The following DDX11 variants were observed in gnomAD, a reference collection of about 807,000 sequenced individuals.
The protein encoded by DDX11 is DEAD/H-box helicase 11.
A neutral mutation model predicts 125.2 loss-of-function variants in DDX11; 72 were observed. The ratio of observed to expected loss-of-function variants is 0.58; its 90% CI spans 0.48 to 0.70. DDX11 has a LOEUF of 0.70. DDX11 is among the 30% of genes least tolerant of loss of function. The pLI is 0.00. For synonymous variants in DDX11, 347 were observed against 452.6 expected (o/e 0.77, Z 2.96); for missense variants, 883 against 1,165.0 (o/e 0.76, Z 3.52).
intron 2 of DDX11, among the ~76,000 whole-genome samples, chr12:31,079,402 T>G (rs1372517115): frequency 1.4e-5 from 2 of 142,002 alleles, no homozygotes; most frequent in East Asian, 4.1e-4. Flanking sequence ...CTCACCATTC[T>G]GGAGGCTGGA....
rs573019008 is a variant in DDX11 at position 31,087,926 on chromosome 12, T to G, written c.639-12T>G. On this transcript the variant is annotated splice_polypyrimidine_tract_variant and intron_variant, in intron 5 of 26. Transcript: ENST00000542838. ...AGGGAAGACTGTTTTCTGTTCTCTC[T>G]CACACACACAGAGTGGATGAGGATG... is the stretch of plus-strand genomic sequence containing the variant. The G allele has an allele frequency of 5.5e-5, 88 of 1,608,596 alleles. No individual in the cohort carries two copies. In the African/African-American group the frequency reaches 1.0e-3, roughly 19 times the overall value.
chr12:31,088,506 T>G (rs1239972827), intron 6 of DDX11, among the ~76,000 whole-genome samples: 1 of 152,206 alleles, frequency 6.6e-6, no homozygotes, highest in African/African-American at 2.4e-5. Flanking sequence ...GGCTATGGGT[T>G]GTGTATGGTC....
intron 18 of DDX11, 164 bp from the exon 19 acceptor site, chr12:31,100,471 T>C: frequency 1.7e-6 from 1 of 603,280 alleles, no homozygotes; most frequent in South Asian, 2.1e-5. Context: ...CAGCACTGGG[T>C]ATCAGTCACC....
intron 7 of DDX11, 64 bp downstream of exon 7, chr12:31,089,215 C>T: frequency 6.7e-7 from 1 of 1,489,884 alleles, no homozygotes; most frequent in Non-Finnish European, 9.4e-7. Flanking sequence ...CTTTGTCCTG[C>T]TCGTCCAGGC....
chr12:31,086,996 G>A (rs1164317167), intron 5 of DDX11, among the ~76,000 whole-genome samples: 1 of 137,072 alleles, frequency 7.3e-6, no homozygotes. Flanking sequence ...GGAATTTCGA[G>A]GTGAACAAAA....
rs1445736396 is a variant in DDX11 at position 31,085,129 on chromosome 12, G to A, written c.638+3G>A. ...GAGGAGAAAAAGGTGGCGAGCAGGT[G>A]AGACAGAGGCGGTAGCACTACCCTG... On this transcript the variant is annotated splice_donor_region_variant and intron_variant, in intron 5 of 26. Coordinates refer to ENST00000542838, the MANE Select transcript of DDX11 (RefSeq NM_030653.4). The A allele has an allele frequency of 1.9e-6, 3 of 1,557,942 alleles. No homozygotes were observed. Among genetic ancestry groups the A allele is most frequent in the Non-Finnish European group, 2.6e-6 (3 of 1,151,062 alleles).
Position 31,103,206 on chromosome 12 carries a change from T to C in DDX11, c.2458-111T>C, listed in dbSNP as rs538984032. On this transcript the variant is annotated intron_variant, in intron 24 of 26. Coordinates refer to ENST00000542838, the MANE Select transcript of DDX11 (RefSeq NM_030653.4). ...GTGATGTCACCTGGACCCCTGCTGC[T>C]GGCATTGGCCACGAAGCCTCCTGGT... 26 of 1,502,252 alleles carry C rather than the reference T, an allele frequency of 1.7e-5. No individual in the cohort carries two copies. The South Asian group carries it at 2.9e-4, about 17-fold the overall frequency. 93.1% of individuals were successfully genotyped at this position (1,502,252 alleles called of 1,614,324 possible).
At chr12:31,096,030 T>TA (rs1488151560) in intron 14 of DDX11, among the ~76,000 whole-genome samples, 1 of 142,246 alleles carries the variant, frequency 7.0e-6, no homozygotes, top group African/African-American at 2.7e-5. Flanking sequence ...TTTTTTTTTT[T>TA]AACTCTTTGT....
chr12:31,077,662 A>G (rs1481613707), intron 1 of DDX11, among the ~76,000 whole-genome samples: 3 of 152,026 alleles, frequency 2.0e-5, no homozygotes, highest in East Asian at 1.9e-4. Context: ...CCTGGCTAAC[A>G]CGGTGAAACC....
At chr12:31,081,102 A>G (rs530567661) in intron 2 of DDX11, among the ~76,000 whole-genome samples, 2 of 152,148 alleles carry the variant, frequency 1.3e-5, no homozygotes, top group African/African-American at 4.8e-5. Flanking sequence ...TTTCCATCTC[A>G]GTCTTCTGCA....
intron 3 of DDX11, 96 bp downstream of exon 3, chr12:31,084,157 C>A: frequency 6.5e-7 from 1 of 1,533,378 alleles, no homozygotes; most frequent in Admixed American, 1.7e-5. Context: ...GTGCATGCTC[C>A]CCTGCCGTTG....
At chr12:31,085,262 G>A in intron 5 of DDX11, 136 bp downstream of exon 5, 1 of 1,274,838 alleles carries the variant, frequency 7.8e-7, no homozygotes, top group Non-Finnish European at 1.1e-6. Context: ...TCTAAGCCGG[G>A]TCCTTCCTAG....
chr12:31,102,722 C>T (rs2287464), intron 23 of DDX11, 195 bp downstream of exon 23: 138,573 of 703,896 alleles, frequency 0.2, 15,304 homozygotes, highest in East Asian at 0.39. Context: ...TTTAGGCTAC[C>T]CATTGCTGTA....
chr12:31,103,771 C>T (rs780805150), intron 26 of DDX11, 36 bp from the exon 27 acceptor site: 3 of 1,613,682 alleles, frequency 1.9e-6, no homozygotes, highest in Non-Finnish European at 1.7e-6. Context: ...CTCCCCACCC[C>T]GAGATCACAT....
Position 31,103,425 on chromosome 12 carries a change from C to T in DDX11, c.2536+30C>T, listed in dbSNP as rs1457324543. The T allele has an allele frequency of 2.5e-6, 4 of 1,602,686 alleles. No individual in the cohort carries two copies. The African/African-American group carries it at 4.0e-5, about 16-fold the overall frequency. Reference sequence around the variant, plus strand: ...GCCTGGCTGCCTCCAGCTGGGTGGACAGATGGGGGCTGGAGAAAGGGAGAA... The same window carrying T: ...GCCTGGCTGCCTCCAGCTGGGTGGATAGATGGGGGCTGGAGAAAGGGAGAA... On this transcript the variant is annotated intron_variant, in intron 25 of 26. Transcript: ENST00000542838.
chr12:31,096,745 G>C lies in DDX11; in HGVS notation c.1630G>C (p.Ala544Pro), dbSNP rs775843579. The C allele has an allele frequency of 9.3e-6, 15 of 1,614,208 alleles. No homozygotes were observed. The highest frequency in any genetic ancestry group is 2.2e-5 in the South Asian group (2 of 91,084). The part of the protein sequence containing the change: ...LQSLQPRTTE[A>P]LAAPADESQA... Reference sequence around the variant, plus strand: ...GAGCCTGCAGCCCAGGACGACTGAAGGTGAGGCAGGAGGGTGGGCAGGCAG... The same window carrying C: ...GAGCCTGCAGCCCAGGACGACTGAACGTGAGGCAGGAGGGTGGGCAGGCAG... Residue 544 changes from alanine to proline, a missense_variant and splice_region_variant, in exon 16 of 27, where the codon GCT becomes CCT. Around this residue, in one of 5 missense-constraint regions of DDX11, gnomAD observed 241 missense variants for 279.7 expected, o/e 0.86. Transcript: ENST00000542838.
At position 31,090,074 on chromosome 12, in the gene DDX11, C is replaced by T. The variant is rs759982821; in HGVS notation, c.1069C>T (p.Leu357Phe). The stretch of plus-strand genomic sequence containing the variant: ...GGCCTGTCCCTATTACGGGAGCCGC[C>T]TTGCCATCCCTGCAGCCCAGGTGAG... Reference protein sequence around the residue: ...ARACPYYGSRLAIPAAQLVVL... With the variant: ...ARACPYYGSRFAIPAAQLVVL... The change falls in exon 9 of 27, where the codon CTT becomes TTT. Residue 357 changes from leucine to phenylalanine, a missense_variant. Leu to Phe is a conservative substitution (Grantham distance 22). Transcript: ENST00000542838. 2.6e-6 allele frequency: 4 copies of T among 1,549,518 alleles called. No individual in the cohort carries two copies. Among genetic ancestry groups the T allele is most frequent in the African/African-American group, 1.4e-5 (1 of 73,008 alleles).
chr12:31,075,996 G>A (rs1012713751), intron 1 of DDX11, among the ~76,000 whole-genome samples: 1 of 152,042 alleles, frequency 6.6e-6, no homozygotes, highest in Non-Finnish European at 1.5e-5. Context: ...GCCAAAGCCT[G>A]GATATTGAGG....
chr12:31,092,004 A>C, intron 10 of DDX11, 133 bp downstream of exon 10: 1 of 1,265,362 alleles, frequency 7.9e-7, no homozygotes, highest in Non-Finnish European at 1.1e-6. Flanking sequence ...CAAGGCGGTG[A>C]CCTCATCGGA....
Sources: allele counts gnomAD v4.1 joint callset (sites outside exome capture counted in the v4.1 genomes callset), GRCh38; gene constraint gnomAD v4.1.1; regional missense constraint gnomAD v4.1.1; transcripts MANE v1.5; gene names NCBI Gene and HGNC (gene_info 2026-07-23, HGNC 2026-07-21).